The following DSCAM variants were observed in gnomAD, a reference collection of about 807,000 sequenced individuals.
The protein encoded by DSCAM is DS cell adhesion molecule, also known as cell adhesion molecule DSCAM.
DSCAM carries 47 observed loss-of-function variants against 217.7 expected under a neutral mutation model. The observed-to-expected ratio is 0.22, with a 90% CI of 0.17 to 0.28. The LOEUF is 0.28. DSCAM is among the 10% of genes least tolerant of loss of function. The pLI, the probability that DSCAM is intolerant of heterozygous loss-of-function variation, is 1.00. For synonymous variants in DSCAM, 1,056 were observed against 1,015.3 expected, an observed-to-expected ratio of 1.04 and a Z score of -0.76; for missense variants, 2,080 against 2,618.3, an observed-to-expected ratio of 0.79 and a Z score of 4.49.
At chr21:40,407,254 C>T (rs1332059074) in intron 3 of DSCAM, among the ~76,000 whole-genome samples, 7 of 152,102 alleles carry the variant, frequency 4.6e-5, no homozygotes, top group Non-Finnish European at 8.8e-5. Context: ...TATTTCAGAA[C>T]AGCATGTTGT....
At chr21:40,502,606 A>G (rs2076178528) in intron 3 of DSCAM, among the ~76,000 whole-genome samples, 1 of 152,164 alleles carries the variant, frequency 6.6e-6, no homozygotes, top group Non-Finnish European at 1.5e-5. Context: ...CAAAGCCAGC[A>G]ATGGCCCATC....
chr21:40,241,956 T>C (rs1482947246), intron 11 of DSCAM, among the ~76,000 whole-genome samples: 4 of 151,986 alleles, frequency 2.6e-5, no homozygotes, highest in East Asian at 3.9e-4. Context: ...TGAGAACTTA[T>C]AAACACAAAG....
At chr21:40,137,236 G>A (rs2090221647) in intron 18 of DSCAM, among the ~76,000 whole-genome samples, 1 of 128,498 alleles carries the variant, frequency 7.8e-6, no homozygotes, top group African/African-American at 2.9e-5. Flanking sequence ...AATGCTAATG[G>A]TTAATATACT....
At chr21:40,535,964 G>C (rs971021040) in intron 3 of DSCAM, among the ~76,000 whole-genome samples, 1 of 152,212 alleles carries the variant, frequency 6.6e-6, no homozygotes, top group African/African-American at 2.4e-5. Context: ...GAAGCTGGAG[G>C]TAAGTGCTGT....
At chr21:40,484,172 T>A (rs1003818197) in intron 3 of DSCAM, among the ~76,000 whole-genome samples, 5 of 152,170 alleles carry the variant, frequency 3.3e-5, no homozygotes, top group African/African-American at 1.2e-4. Flanking sequence ...GATTTATGGG[T>A]CTGTCCAGAG....
At position 40,102,834 on chromosome 21, in the gene DSCAM, C is replaced by T. The variant is rs140160751; in HGVS notation, c.3697-8960G>A. ...TCCTCTCAATCAGGGGCTAAGTCTGCCCTTTGTCTTTCATAGCCTTTGCCT... is the reference window on the plus strand; with the variant it reads ...TCCTCTCAATCAGGGGCTAAGTCTGTCCTTTGTCTTTCATAGCCTTTGCCT... On this transcript the variant is annotated intron_variant, in intron 20 of 32. Transcript: ENST00000400454. 3.0e-4 allele frequency among the ~76,000 whole-genome samples: 46 copies of T among 152,288 alleles called. No homozygotes were observed. In the East Asian group the frequency reaches 8.9e-3, roughly 29 times the overall value.
intron 29 of DSCAM, among the ~76,000 whole-genome samples, chr21:40,055,333 G>T (rs1424602099): frequency 6.6e-6 from 1 of 152,146 alleles, no homozygotes; most frequent in Admixed American, 6.5e-5. Flanking sequence ...GAGTTGATGA[G>T]GGGGGCACGG....
At chr21:40,321,063 T>A (rs1237629916) in intron 8 of DSCAM, among the ~76,000 whole-genome samples, 1 of 152,192 alleles carries the variant, frequency 6.6e-6, no homozygotes, top group Non-Finnish European at 1.5e-5. Flanking sequence ...AATTATGAGA[T>A]TGAAAACCAT....
At chr21:40,356,388 G>GAT (rs60717299) in intron 4 of DSCAM, among the ~76,000 whole-genome samples, 5,003 of 147,252 alleles carry the variant, frequency 0.034, 222 homozygotes, top group African/African-American at 0.1. Context: ...GCTTGATAGT[G>GAT]ATATATATAT....
At chr21:40,799,522 C>A (rs2091720318) in intron 1 of DSCAM, among the ~76,000 whole-genome samples, 1 of 152,186 alleles carries the variant, frequency 6.6e-6, no homozygotes, top group Admixed American at 6.5e-5. Flanking sequence ...GGACAGAAGT[C>A]CAAGTTCAAT....
intron 11 of DSCAM, among the ~76,000 whole-genome samples, chr21:40,273,996 G>T (rs903404291): frequency 6.6e-6 from 1 of 152,096 alleles, no homozygotes; most frequent in Non-Finnish European, 1.5e-5. Context: ...CATTCCACAC[G>T]GTCACTGATT....
intron 1 of DSCAM, among the ~76,000 whole-genome samples, chr21:40,775,419 G>A (rs931800048): frequency 6.6e-6 from 1 of 152,174 alleles, no homozygotes; most frequent in African/African-American, 2.4e-5. Flanking sequence ...ATTTCCAGAA[G>A]AGGTTACCGT....
chr21:40,391,619 A>G (rs1044922843), intron 3 of DSCAM, among the ~76,000 whole-genome samples: 4 of 152,182 alleles, frequency 2.6e-5, no homozygotes, highest in African/African-American at 9.7e-5. Context: ...GGTTAGCGTA[A>G]GCTTGAGCAG....
chr21:40,381,444 T>A (rs2075024488), intron 3 of DSCAM, among the ~76,000 whole-genome samples: 1 of 152,184 alleles, frequency 6.6e-6, no homozygotes, highest in African/African-American at 2.4e-5. Flanking sequence ...AGGTTGACTG[T>A]CTGTTCCAGT....
intron 3 of DSCAM, among the ~76,000 whole-genome samples, chr21:40,371,831 G>A (rs2074902392): frequency 2.0e-5 from 3 of 152,142 alleles, no homozygotes. Flanking sequence ...GGAACGCTAA[G>A]CATGTGGCAA....
At chr21:40,691,931 T>G (rs892267170) in intron 3 of DSCAM, among the ~76,000 whole-genome samples, 2 of 152,256 alleles carry the variant, frequency 1.3e-5, no homozygotes, top group East Asian at 3.8e-4. Flanking sequence ...TTCCAAATTC[T>G]GCTCTCTATA....
chr21:40,190,533 G>C (rs1298495660), intron 11 of DSCAM, among the ~76,000 whole-genome samples: 1 of 152,156 alleles, frequency 6.6e-6, no homozygotes, highest in Non-Finnish European at 1.5e-5. Flanking sequence ...AAGGCAAAGA[G>C]AGAAGAAAGC....
chr21:40,523,800 A>AAC lies in DSCAM; in HGVS notation c.509-154557_509-154556dup, dbSNP rs141294590. On this transcript the variant is annotated intron_variant, in intron 3 of 32. Transcript: ENST00000400454. Reference sequence around the variant, plus strand: ...CCAATAGAGCACACAGTAACACACAAACACACACACACACACACACTGGGG... The same window carrying AAC: ...CCAATAGAGCACACAGTAACACACAAACACACACACACACACACACACTGGGG... 6.0e-3 allele frequency among the ~76,000 whole-genome samples: 899 copies of AAC among 149,928 alleles called. 12 individuals carry two copies. The highest frequency in any genetic ancestry group is 0.047 in the East Asian group (241 of 5,104).
At chr21:40,563,772 T>TTA (rs59999408) in intron 3 of DSCAM, among the ~76,000 whole-genome samples, 9,237 of 146,590 alleles carry the variant, frequency 0.063, 341 homozygotes, top group South Asian at 0.15. Flanking sequence ...GTTTGTATGT[T>TTA]TATATATATG....
Sources: allele counts gnomAD v4.1 joint callset (sites outside exome capture counted in the v4.1 genomes callset), GRCh38; gene constraint gnomAD v4.1.1; transcripts MANE v1.5; gene names NCBI Gene and HGNC (gene_info 2026-07-23, HGNC 2026-07-21).